Variants in FHOD3 observed in about 807,000 individuals in gnomAD.
FHOD3 encodes the protein formin homology 2 domain containing 3.
In FHOD3, 90 loss-of-function variants were observed where a neutral mutation model predicts 173.0. The observed-to-expected ratio is 0.52, with a 90% CI of 0.44 to 0.62. The LOEUF (loss-of-function observed/expected upper bound fraction) is 0.62. Ranked by LOEUF, FHOD3 falls within the 20% of genes least tolerant of loss-of-function variation. FHOD3 has a pLI of 0.00. For synonymous variants in FHOD3, 828 were observed against 823.0 expected, an observed-to-expected ratio of 1.01 and a Z score of -0.10; for missense variants, 1,945 against 2,034.7, an observed-to-expected ratio of 0.96 and a Z score of 0.85.
intron 12 of FHOD3, 66 bp from the exon 13 acceptor site, chr18:36,653,276 A>T: frequency 6.4e-6 from 8 of 1,253,980 alleles, no homozygotes; most frequent in Non-Finnish European, 8.8e-6. Context: ...GACGCTGAAG[A>T]ATGTATCAAA....
At chr18:36,504,175 C>T (rs1171639741) in intron 4 of FHOD3, among the ~76,000 whole-genome samples, 2 of 152,172 alleles carry the variant, frequency 1.3e-5, no homozygotes, top group East Asian at 3.9e-4. Flanking sequence ...CCCACCCAGG[C>T]CTCCCAAAGT....
chr18:36,653,079 G>C, intron 12 of FHOD3, 150 bp downstream of exon 12: 2 of 1,059,420 alleles, frequency 1.9e-6, no homozygotes, highest in Non-Finnish European at 2.6e-6. Context: ...TTAAGTTGCT[G>C]ACCCCTGACT....
intron 3 of FHOD3, among the ~76,000 whole-genome samples, chr18:36,475,033 A>T (rs980160158): frequency 7.6e-5 from 3 of 39,240 alleles, no homozygotes; most frequent in African/African-American, 1.5e-4. Flanking sequence ...ACACACACAC[A>T]CTCTGCAAAA....
At chr18:36,693,539 A>G in intron 17 of FHOD3, 116 bp downstream of exon 17, 1 of 952,794 alleles carries the variant, frequency 1.0e-6, no homozygotes, top group Non-Finnish European at 1.6e-6. Flanking sequence ...CTATGGGTAC[A>G]CTTTGTTGGG....
intron 3 of FHOD3, among the ~76,000 whole-genome samples, chr18:36,497,757 T>G (rs1424051263): frequency 6.6e-6 from 1 of 152,204 alleles, no homozygotes; most frequent in Non-Finnish European, 1.5e-5. Flanking sequence ...CTGTAATAGT[T>G]GGAGACTTCA....
At chr18:36,745,024 G>C (rs573088909) in intron 23 of FHOD3, among the ~76,000 whole-genome samples, 3 of 152,188 alleles carry the variant, frequency 2.0e-5, no homozygotes, top group African/African-American at 7.2e-5. Context: ...AAGTACTGGG[G>C]TGTGTTGGAA....
intron 10 of FHOD3, among the ~76,000 whole-genome samples, chr18:36,642,453 A>C (rs541279836): frequency 5.9e-5 from 9 of 152,164 alleles, no homozygotes; most frequent in Admixed American, 2.6e-4. Flanking sequence ...CCCCGTCTCT[A>C]CTAAAAATAC....
chr18:36,562,821 A>G (rs1199962847), intron 5 of FHOD3, among the ~76,000 whole-genome samples: 1 of 152,142 alleles, frequency 6.6e-6, no homozygotes, highest in Non-Finnish European at 1.5e-5. Flanking sequence ...TGGAGCCCTG[A>G]CCAACACCAA....
chr18:36,453,490 G>A lies in FHOD3; in HGVS notation c.338-48442G>A, dbSNP rs887700125. Among the ~76,000 whole-genome samples the A allele has an allele frequency of 1.7e-4, 26 of 152,368 alleles. 1 individual carries two copies. Among genetic ancestry groups the A allele is most frequent in the African/African-American group, 3.6e-4 (15 of 41,584 alleles). On this transcript the variant is annotated intron_variant, in intron 3 of 28. Coordinates refer to ENST00000590592, the MANE Select transcript of FHOD3 (RefSeq NM_001281740.3). Reference sequence around the variant, plus strand: ...ACTGCACATGGCTTTTACAGTGGGCGTATGCCCCTACGTGCTCTGCGCAAT... The same window carrying A: ...ACTGCACATGGCTTTTACAGTGGGCATATGCCCCTACGTGCTCTGCGCAAT...
intron 9 of FHOD3, among the ~76,000 whole-genome samples, chr18:36,618,921 G>C (rs951106387): frequency 1.3e-5 from 2 of 152,110 alleles, no homozygotes; most frequent in Non-Finnish European, 2.9e-5. Flanking sequence ...TGGATCCTCT[G>C]TTTCTGACCC....
Position 36,652,825 on chromosome 18 carries a change from G to A in FHOD3, c.1542G>A (p.Lys514=). 6.5e-7 allele frequency: 1 copy of A among 1,535,980 alleles called. No individual in the cohort carries two copies. The highest frequency in any genetic ancestry group is 1.2e-5 in the South Asian group (1 of 84,054). The part of the protein sequence containing the change: ...GSLKVSPTID[K]LPYVPHSPFH... The stretch of plus-strand genomic sequence containing the variant: ...TGAAGGTGTCACCGACCATAGACAA[G>A]CTGCCCTACGTGCCCCACAGCCCCT... The change falls in exon 12 of 29, where the codon AAG becomes AAA. Residue 514 remains lysine, a synonymous_variant. Transcript: ENST00000590592.
rs145934056 is a variant in FHOD3 at position 36,443,303 on chromosome 18, C to A, written c.338-58629C>A. On this transcript the variant is annotated intron_variant, in intron 3 of 28. Coordinates refer to ENST00000590592, the MANE Select transcript of FHOD3 (RefSeq NM_001281740.3). ...TAATTTTCTGTTTCTGTGATTCCAT[C>A]TGTACTTATTAATTAGAATTCTACT... Among the ~76,000 whole-genome samples, 412 of 152,298 alleles carry A rather than the reference C, an allele frequency of 2.7e-3. 2 individuals carry two copies. Among genetic ancestry groups the A allele is most frequent in the African/African-American group, 8.7e-3 (361 of 41,566 alleles).
rs149906669 is a variant in FHOD3, at chr18:36,760,755, G to T, written c.4597G>T (p.Val1533Phe). The T allele has an allele frequency of 1.2e-6, 2 of 1,611,354 alleles. No homozygotes were observed. The highest frequency in any genetic ancestry group is 2.2e-5 in the East Asian group (1 of 44,846). Residue 1533 changes from valine to phenylalanine, a missense_variant, in exon 27 of 29, where the codon GTC becomes TTC. By Grantham distance (50) the Val-to-Phe change is conservative (BLOSUM62 -1). This residue lies in a region of FHOD3 where 354 missense variants were observed against 359.9 expected (regional missense o/e 0.98). Coordinates refer to ENST00000590592, the MANE Select transcript of FHOD3 (RefSeq NM_001281740.3). ...GGAGGACGCCACCCCCGCGCTGGGC[G>T]TCCGCACACGCAGCCGAGCAAGCCG... ...SVEDATPALG[V>F]RTRSRASRGS...
intron 15 of FHOD3, among the ~76,000 whole-genome samples, chr18:36,682,011 A>G (rs2038280113): frequency 1.3e-5 from 2 of 152,296 alleles, no homozygotes; most frequent in Admixed American, 6.5e-5. Context: ...TTTGTAAACA[A>G]TAATCTCTTG....
intron 9 of FHOD3, among the ~76,000 whole-genome samples, chr18:36,614,531 G>A (rs1405831191): frequency 6.6e-6 from 1 of 152,114 alleles, no homozygotes; most frequent in African/African-American, 2.4e-5. Context: ...TGAAATTGCT[G>A]GTCATATGGT....
At chr18:36,694,618 C>G (rs1354962238) in intron 17 of FHOD3, among the ~76,000 whole-genome samples, 3 of 152,178 alleles carry the variant, frequency 2.0e-5, no homozygotes, top group Non-Finnish European at 2.9e-5. Context: ...GTGGTATTTC[C>G]AGAGGCAATA....
chr18:36,684,886 T>C (rs2038500953), intron 15 of FHOD3, among the ~76,000 whole-genome samples: 1 of 152,196 alleles, frequency 6.6e-6, no homozygotes, highest in Non-Finnish European at 1.5e-5. Flanking sequence ...CACTGCAGCC[T>C]CGACCTCCCA....
chr18:36,425,823 G>T (rs1399612173), intron 3 of FHOD3, among the ~76,000 whole-genome samples: 1 of 152,060 alleles, frequency 6.6e-6, no homozygotes, highest in Non-Finnish European at 1.5e-5. Context: ...AGATATATAT[G>T]TGTACATAGA....
Position 36,709,482 on chromosome 18 carries a change from TC to T in FHOD3, c.2533+92del. Reference sequence around the variant, plus strand: ...CTAAGAGCTTGTCCACAGGCTGGCCTCTGAGGTGACCTGGGTCAACCCACTC... The same window carrying T: ...CTAAGAGCTTGTCCACAGGCTGGCCTTGAGGTGACCTGGGTCAACCCACTC... On this transcript the variant is annotated intron_variant, in intron 18 of 28. Transcript: ENST00000590592. 4 of 1,405,646 alleles carry T rather than the reference TC, an allele frequency of 2.8e-6. No individual in the cohort carries two copies. In the South Asian group the frequency reaches 5.6e-5, roughly 20 times the overall value. The allele number at this position is 1,405,646 out of a possible 1,614,324, so 87.1% of individuals were successfully genotyped here.
Sources: allele counts gnomAD v4.1 joint callset (sites outside exome capture counted in the v4.1 genomes callset), GRCh38; gene constraint gnomAD v4.1.1; regional missense constraint gnomAD v4.1.1; transcripts MANE v1.5; gene names NCBI Gene and HGNC (gene_info 2026-07-23, HGNC 2026-07-21).